Variants in CTNNA2 observed in about 807,000 individuals in gnomAD.
CTNNA2 encodes catenin alpha 2.
In CTNNA2, 42 loss-of-function variants were observed where a neutral mutation model predicts 101.0. That is an observed-to-expected ratio of 0.42 (90% CI 0.32 to 0.54). CTNNA2 has a LOEUF of 0.54. Among genes scored for constraint, CTNNA2 ranks in the 20% least tolerant of loss-of-function variants. CTNNA2 has a pLI of 0.14. For synonymous variants in CTNNA2, 450 were observed against 456.4 expected (o/e 0.99, Z 0.18); for missense variants, 871 against 1,223.1 (o/e 0.71, Z 4.29).
At chr2:79,288,201 C>A (rs1433492350) in intron 2 of CTNNA2, among the ~76,000 whole-genome samples, 1 of 152,238 alleles carries the variant, frequency 6.6e-6, no homozygotes, top group Non-Finnish European at 1.5e-5. Context: ...CAGAAATCAC[C>A]CATCTTCTGC....
At chr2:79,481,387 A>G (rs572026590) in intron 4 of CTNNA2, among the ~76,000 whole-genome samples, 39 of 152,258 alleles carry the variant, frequency 2.6e-4, no homozygotes, top group Non-Finnish European at 4.7e-4. Context: ...AAATTGCAAT[A>G]ATCTAGAACA....
At chr2:80,604,269 T>G in intron 16 of CTNNA2, 90 bp downstream of exon 16, 1 of 946,250 alleles carries the variant, frequency 1.1e-6, no homozygotes, top group South Asian at 1.3e-5. Flanking sequence ...CCCTATAAAA[T>G]GCCTCTGAAG....
chr2:79,962,478 A>G (rs1689711849), intron 7 of CTNNA2, among the ~76,000 whole-genome samples: 1 of 152,232 alleles, frequency 6.6e-6, no homozygotes, highest in Non-Finnish European at 1.5e-5. Context: ...AGGTGCATTT[A>G]TCATCTTTTA....
chr2:79,771,175 T>C (rs1176947441), intron 3 of CTNNA2, among the ~76,000 whole-genome samples: 1 of 152,200 alleles, frequency 6.6e-6, no homozygotes, highest in African/African-American at 2.4e-5. Context: ...ATATTTTATG[T>C]AAACTTAATC....
intron 4 of CTNNA2, among the ~76,000 whole-genome samples, chr2:79,469,451 C>A (rs428707): frequency 0.32 from 48,040 of 152,014 alleles, 7,715 homozygotes; most frequent in South Asian, 0.44. Flanking sequence ...ACCAGAGGTA[C>A]AAGGAGGAGC....
intron 4 of CTNNA2, among the ~76,000 whole-genome samples, chr2:79,387,255 T>C (rs1678115693): frequency 6.6e-6 from 1 of 152,190 alleles, no homozygotes; most frequent in Admixed American, 6.5e-5. Context: ...CTTTGGCCAG[T>C]CTGCCTGTTG....
At chr2:79,919,372 G>A (rs1182365085) in intron 7 of CTNNA2, among the ~76,000 whole-genome samples, 1 of 152,146 alleles carries the variant, frequency 6.6e-6, no homozygotes, top group Non-Finnish European at 1.5e-5. Context: ...ATTAAGTTCC[G>A]CACTTAGAAC....
chr2:80,403,145 T>A (rs1678722924), intron 8 of CTNNA2, among the ~76,000 whole-genome samples: 1 of 152,184 alleles, frequency 6.6e-6, no homozygotes, highest in Admixed American at 6.5e-5. Context: ...CAGTGTTGAG[T>A]CATGTTGAAG....
At chr2:80,095,714 T>G (rs1331778919) in intron 7 of CTNNA2, among the ~76,000 whole-genome samples, 1 of 152,230 alleles carries the variant, frequency 6.6e-6, no homozygotes, top group Non-Finnish European at 1.5e-5. Context: ...ATTCAACTTC[T>G]TCCTGGTTTA....
chr2:79,872,204 A>G (rs1682638420), intron 5 of CTNNA2, among the ~76,000 whole-genome samples: 1 of 152,164 alleles, frequency 6.6e-6, no homozygotes, highest in African/African-American at 2.4e-5. Flanking sequence ...AATTTTAATT[A>G]TCACATACTC....
At chr2:80,000,784 A>G (rs1165623519) in intron 7 of CTNNA2, among the ~76,000 whole-genome samples, 1 of 152,202 alleles carries the variant, frequency 6.6e-6, no homozygotes, top group Non-Finnish European at 1.5e-5. Context: ...GCTGTGCTGC[A>G]TTCCTGCCTA....
intron 4 of CTNNA2, among the ~76,000 whole-genome samples, chr2:79,492,604 T>C (rs1671215892): frequency 6.6e-6 from 1 of 152,124 alleles, no homozygotes; most frequent in South Asian, 2.1e-4. Context: ...ATTTGAACTT[T>C]CATAATTTGC....
At chr2:79,684,984 A>T in intron 2 of CTNNA2, among the ~76,000 whole-genome samples, 1 of 152,152 alleles carries the variant, frequency 6.6e-6, no homozygotes, top group East Asian at 1.9e-4. Context: ...CACCTACTTC[A>T]TAAGAGAGGA....
intron 4 of CTNNA2, among the ~76,000 whole-genome samples, chr2:79,389,185 G>T (rs980189290): frequency 3.9e-5 from 6 of 151,982 alleles, no homozygotes; most frequent in African/African-American, 1.5e-4. Context: ...TCACCATAAG[G>T]GTCTACATTA....
At chr2:79,709,516 T>C (rs963650440) in intron 2 of CTNNA2, among the ~76,000 whole-genome samples, 3 of 152,038 alleles carry the variant, frequency 2.0e-5, no homozygotes, top group Non-Finnish European at 4.4e-5. Flanking sequence ...GGTGATATGA[T>C]AAAGTACTTG....
At chr2:79,191,076 T>C (rs1673863514) in intron 1 of CTNNA2, among the ~76,000 whole-genome samples, 1 of 152,184 alleles carries the variant, frequency 6.6e-6, no homozygotes, top group Admixed American at 6.5e-5. Context: ...CTAGTCCAAT[T>C]ACACACTGTC....
chr2:79,566,296 T>C (rs1354931000), intron 1 of CTNNA2, among the ~76,000 whole-genome samples: 2 of 152,160 alleles, frequency 1.3e-5, no homozygotes, highest in African/African-American at 4.8e-5. Flanking sequence ...TTTCCAACTT[T>C]GAAAGTTTGA....
intron 9 of CTNNA2, among the ~76,000 whole-genome samples, chr2:80,466,213 G>A (rs1049246200): frequency 2.6e-5 from 4 of 152,118 alleles, no homozygotes; most frequent in Admixed American, 2.6e-4. Flanking sequence ...CCTGCTGGAG[G>A]GAGTTATTTA....
intron 7 of CTNNA2, among the ~76,000 whole-genome samples, chr2:79,998,219 G>A (rs1692690080): frequency 6.6e-6 from 1 of 152,120 alleles, no homozygotes; most frequent in African/African-American, 2.4e-5. Context: ...AATAAATTGT[G>A]GATTCATTTC....
Sources: allele counts gnomAD v4.1 joint callset (sites outside exome capture counted in the v4.1 genomes callset), GRCh38; gene constraint gnomAD v4.1.1; transcripts MANE v1.5; gene names NCBI Gene and HGNC (gene_info 2026-07-23, HGNC 2026-07-21).